Variants in ERG observed in about 807,000 individuals in gnomAD.
ERG encodes the protein ETS transcription factor ERG.
A neutral mutation model predicts 55.3 loss-of-function variants in ERG; 9 were observed. The ratio of observed to expected loss-of-function variants is 0.16; its 90% CI spans 0.10 to 0.28. The LOEUF is 0.28. Ranked by LOEUF, ERG falls within the 10% of genes least tolerant of loss-of-function variation. ERG has a pLI of 1.00. For synonymous variants in ERG, 223 were observed against 237.3 expected (o/e 0.94, Z 0.55); for missense variants, 434 against 631.6 (o/e 0.69, Z 3.35).
At chr21:38,459,925 AT>A (rs1389536537) in intron 1 of ERG, among the ~76,000 whole-genome samples, 2 of 152,230 alleles carry the variant, frequency 1.3e-5, no homozygotes, top group Non-Finnish European at 2.9e-5. Flanking sequence ...GGGTAAATTT[AT>A]AACCTTGTTT....
intron 1 of ERG, among the ~76,000 whole-genome samples, chr21:38,472,293 G>A (rs1307234673): frequency 6.6e-6 from 1 of 152,194 alleles, no homozygotes; most frequent in African/African-American, 2.4e-5. Context: ...CTGCATGCCA[G>A]CACTCTATGC....
intron 2 of ERG, among the ~76,000 whole-genome samples, chr21:38,574,928 CTT>C (rs1430788216): frequency 6.6e-6 from 1 of 152,174 alleles, no homozygotes; most frequent in Non-Finnish European, 1.5e-5. Flanking sequence ...TTTCTGCAGT[CTT>C]TATTTTTGTC....
chr21:38,386,417 C>T (rs1019829455), intron 9 of ERG, among the ~76,000 whole-genome samples: 1 of 152,118 alleles, frequency 6.6e-6, no homozygotes, highest in Non-Finnish European at 1.5e-5. Flanking sequence ...TAACAAAATT[C>T]GCTGCATTTT....
intron 2 of ERG, among the ~76,000 whole-genome samples, chr21:38,544,738 G>A (rs1249439593): frequency 6.6e-6 from 1 of 152,158 alleles, no homozygotes; most frequent in Non-Finnish European, 1.5e-5. Context: ...AAAATCTCTA[G>A]TGAAAATTCC....
downstream of ERG, chr21:38,380,014 A>G (rs887317159): frequency 9.9e-7 from 1 of 1,010,490 alleles, no homozygotes; most frequent in Non-Finnish European, 1.2e-6. Flanking sequence ...AAAGATAAAA[A>G]GAAGGCACAG....
At chr21:38,557,040 T>C (rs1206702712) in intron 2 of ERG, among the ~76,000 whole-genome samples, 1 of 152,180 alleles carries the variant, frequency 6.6e-6, no homozygotes, top group Non-Finnish European at 1.5e-5. Context: ...GTCTTCCAGG[T>C]TCTGCCACCT....
intron 1 of ERG, among the ~76,000 whole-genome samples, chr21:38,660,351 C>CCG (rs1486853057): frequency 1.3e-5 from 2 of 152,196 alleles, no homozygotes. Context: ...CCCTGGGACC[C>CCG]CGCACTGGCG....
chr21:38,575,502 C>G (rs58488541), intron 2 of ERG, among the ~76,000 whole-genome samples: 1 of 152,118 alleles, frequency 6.6e-6, no homozygotes, highest in South Asian at 2.1e-4. Flanking sequence ...ACGAAATATG[C>G]TTCTTTTGAT....
chr21:38,515,869 A>T (rs67297531), intron 2 of ERG, among the ~76,000 whole-genome samples: 25,256 of 151,988 alleles, frequency 0.17, 2,271 homozygotes, highest in East Asian at 0.38. Flanking sequence ...CATCAATAGA[A>T]AAAAACAAAA....
At chr21:38,409,272 T>A (rs958220971) in intron 3 of ERG, among the ~76,000 whole-genome samples, 1 of 151,710 alleles carries the variant, frequency 6.6e-6, no homozygotes, top group Non-Finnish European at 1.5e-5. Flanking sequence ...TCACCTGAGG[T>A]GAAGGGTTTG....
At chr21:38,488,859 C>T (rs1049066097) in intron 1 of ERG, among the ~76,000 whole-genome samples, 2 of 152,186 alleles carry the variant, frequency 1.3e-5, no homozygotes, top group African/African-American at 4.8e-5. Flanking sequence ...AATCACGTCC[C>T]CTTAAAAATC....
At chr21:38,641,894 C>T (rs989889179) in intron 1 of ERG, among the ~76,000 whole-genome samples, 8 of 152,200 alleles carry the variant, frequency 5.3e-5, no homozygotes, top group Non-Finnish European at 8.8e-5. Flanking sequence ...TGTGAGAATA[C>T]TGATTCCTGG....
chr21:38,643,832 A>C (rs546286417), intron 1 of ERG, among the ~76,000 whole-genome samples: 7 of 152,314 alleles, frequency 4.6e-5, no homozygotes, highest in South Asian at 4.1e-4. Context: ...TAAACACAGG[A>C]AAATAAGAAC....
chr21:38,469,915 CCAG>C (rs1003494440), intron 1 of ERG, among the ~76,000 whole-genome samples: 6 of 152,158 alleles, frequency 3.9e-5, no homozygotes. Context: ...AACGATTTCC[CCAG>C]CAATTTGTCT....
In ERG at chr21:38,383,273, G is replaced by A. The variant is rs867303639; in HGVS notation, c.*130C>T. The A allele has an allele frequency of 8.3e-6, 11 of 1,330,566 alleles. No homozygotes were observed. The Middle Eastern group carries it at 8.4e-4, about 102-fold the overall frequency. The allele number at this position is 1,330,566 out of a possible 1,614,324, so 82.4% of individuals were successfully genotyped here. ...CCAAGAGTCTTTGGATCTCTTCCCC[G>A]GCTTCCTTCCCCAGCCCCAGTAAAG... On this transcript the variant is annotated 3_prime_UTR_variant, in exon 10 of 10. Transcript: ENST00000288319. The surrounding 1 kb of genome is among the most constrained non-coding windows in gnomAD (Gnocchi z 5.7).
intron 1 of ERG, among the ~76,000 whole-genome samples, chr21:38,649,794 G>A (rs2060478002): frequency 6.6e-6 from 1 of 152,166 alleles, no homozygotes; most frequent in South Asian, 2.1e-4. Context: ...CCAACTCATT[G>A]CCTACGTTTG....
chr21:38,483,107 TAACAAACA>T (rs997967959), intron 1 of ERG, among the ~76,000 whole-genome samples: 1 of 152,112 alleles, frequency 6.6e-6, no homozygotes, highest in African/African-American at 2.4e-5. Flanking sequence ...GTAAAATCTA[TAACAAACA>T]AACAAACAAA....
At chr21:38,587,258 A>G (rs2060071341), upstream of ERG, among the ~76,000 whole-genome samples, 1 of 152,108 alleles carries the variant, frequency 6.6e-6, no homozygotes, top group Non-Finnish European at 1.5e-5. Context: ...CCAGTCATAC[A>G]TGGGCCCAAG....
chr21:38,627,370 C>A (rs1370982868), intron 1 of ERG, among the ~76,000 whole-genome samples: 1 of 152,022 alleles, frequency 6.6e-6, no homozygotes, highest in Non-Finnish European at 1.5e-5. Flanking sequence ...TTAATAATAT[C>A]ACAAATCAGT....
Sources: allele counts gnomAD v4.1 joint callset (sites outside exome capture counted in the v4.1 genomes callset), GRCh38; gene constraint gnomAD v4.1.1; non-coding constraint Gnocchi (gnomAD v3.1); transcripts MANE v1.5; gene names NCBI Gene and HGNC (gene_info 2026-07-23, HGNC 2026-07-21).